Variants in ADAMTS19 observed in about 807,000 individuals in gnomAD.
ADAMTS19 encodes the protein A disintegrin and metalloproteinase with thrombospondin motifs 19.
ADAMTS19 carries 93 observed loss-of-function variants against 153.3 expected under a neutral mutation model. The ratio of observed to expected loss-of-function variants is 0.61; its 90% CI spans 0.51 to 0.72. The LOEUF (loss-of-function observed/expected upper bound fraction) is 0.72. Ranked by LOEUF, ADAMTS19 falls within the 30% of genes least tolerant of loss-of-function variation. The pLI, the probability that ADAMTS19 is intolerant of heterozygous loss-of-function variation, is 0.00. For synonymous variants in ADAMTS19, 600 were observed against 556.6 expected, an observed-to-expected ratio of 1.08 and a Z score of -1.10; for missense variants, 1,482 against 1,552.1, an observed-to-expected ratio of 0.95 and a Z score of 0.76.
chr5:129,677,171 A>C (rs1754587163), intron 16 of ADAMTS19, among the ~76,000 whole-genome samples: 1 of 152,218 alleles, frequency 6.6e-6, no homozygotes, highest in African/African-American at 2.4e-5. Flanking sequence ...ATAAAATAAT[A>C]GATCTTTAAG....
chr5:129,708,644 G>C (rs1756288379), intron 21 of ADAMTS19, among the ~76,000 whole-genome samples: 1 of 148,408 alleles, frequency 6.7e-6, no homozygotes, highest in Non-Finnish European at 1.5e-5. Context: ...TGTTTTACAG[G>C]ATCTGATTAT....
At chr5:129,715,988 A>C (rs1480830516) in intron 21 of ADAMTS19, among the ~76,000 whole-genome samples, 1 of 152,112 alleles carries the variant, frequency 6.6e-6, no homozygotes, top group African/African-American at 2.4e-5. Flanking sequence ...GCTGCGGCAG[A>C]TGGAACTGAG....
Position 129,461,486 on chromosome 5 carries a change from C to T in ADAMTS19, c.476C>T (p.Pro159Leu), listed in dbSNP as rs1247839602. 1 of 1,491,376 alleles carries T rather than the reference C, an allele frequency of 6.7e-7. No individual in the cohort carries two copies. The highest frequency in any genetic ancestry group is 2.3e-5 in the Admixed American group (1 of 44,000). 92.4% of individuals were successfully genotyped at this position (1,491,376 alleles called of 1,614,324 possible). A position where few individuals can be genotyped will look rare whatever the true frequency, so the allele number is the denominator to read the frequency against. Residue 159 changes from proline to leucine, a missense_variant, in exon 2 of 23, where the codon CCC becomes CTC. Around this residue, in one of 2 missense-constraint regions of ADAMTS19, gnomAD observed 866 missense variants for 827.7 expected, o/e 1.05. Transcript: ENST00000274487. This position sits in a 1 kb window ranked among gnomAD's most constrained non-coding sequence, Gnocchi z 4.6. Reference sequence around the variant, plus strand: ...CCCCCGCAGCCGCCCCCGTCCCCGCCCCCGGCCCAGCATGCCGAGCCGGAT... The same window carrying T: ...CCCCCGCAGCCGCCCCCGTCCCCGCTCCCGGCCCAGCATGCCGAGCCGGAT... ...PPPPQPPPSP[P>L]PAQHAEPDGD...
chr5:129,490,999 C>T (rs1175345843), intron 2 of ADAMTS19, among the ~76,000 whole-genome samples: 3 of 151,784 alleles, frequency 2.0e-5, no homozygotes, highest in East Asian at 3.9e-4. Context: ...TGGAATTGCC[C>T]CTCAGTGTTT....
Position 129,506,907 on chromosome 5 carries a change from T to A in ADAMTS19, c.748-2170T>A, listed in dbSNP as rs546168394. On this transcript the variant is annotated intron_variant, in intron 2 of 22. Transcript: ENST00000274487. The stretch of plus-strand genomic sequence containing the variant: ...GTGTATTTTTAAAATATATATATAT[T>A]TTTTAAAAAGTTATCCTCCAAATAA... 2.3e-3 allele frequency among the ~76,000 whole-genome samples: 342 copies of A among 151,944 alleles called. 2 individuals carry two copies. Among genetic ancestry groups the A allele is most frequent in the African/African-American group, 7.5e-3 (312 of 41,492 alleles).
At chr5:129,658,343 A>AAGAGAGAGAGAGAGAG (rs1344665969) in intron 14 of ADAMTS19, among the ~76,000 whole-genome samples, 1 of 112,214 alleles carries the variant, frequency 8.9e-6, no homozygotes, top group African/African-American at 4.1e-5. Flanking sequence ...GAAAGAAAGA[A>AAGAGAGAGAGAGAGAG]AGAAAGAAAG....
In ADAMTS19 at chr5:129,547,865, A is replaced by C. The variant is rs183499167; in HGVS notation, c.1329-3999A>C. On this transcript the variant is annotated intron_variant, in intron 6 of 22. Transcript: ENST00000274487. ...GAACAGAACAGAGCCCTCAGAAATA[A>C]TGCCACATATCTACAACTATCTGAT... Among the ~76,000 whole-genome samples the C allele has an allele frequency of 4.8e-3, 721 of 150,940 alleles. 51 individuals are homozygous for C. The highest frequency in any genetic ancestry group is 0.017 in the African/African-American group (690 of 40,288).
intron 8 of ADAMTS19, among the ~76,000 whole-genome samples, chr5:129,616,687 T>C (rs976614458): frequency 1.4e-4 from 22 of 152,060 alleles, no homozygotes; most frequent in Non-Finnish European, 4.4e-5. Context: ...CCAAGGCTCT[T>C]TGTCAAAATG....
At chr5:129,591,871 A>C (rs1454251271) in intron 7 of ADAMTS19, among the ~76,000 whole-genome samples, 1 of 151,966 alleles carries the variant, frequency 6.6e-6, no homozygotes, top group Non-Finnish European at 1.5e-5. Flanking sequence ...ATCACATAAA[A>C]ACTCTGATTT....
At chr5:129,669,905 T>A (rs1428915556) in intron 16 of ADAMTS19, among the ~76,000 whole-genome samples, 1 of 152,108 alleles carries the variant, frequency 6.6e-6, no homozygotes, top group Non-Finnish European at 1.5e-5. Context: ...ATTTCTAACC[T>A]CATCCCTTTG....
intron 2 of ADAMTS19, among the ~76,000 whole-genome samples, chr5:129,474,437 G>T (rs1750161314): frequency 6.6e-6 from 1 of 151,948 alleles, no homozygotes; most frequent in Non-Finnish European, 1.5e-5. Flanking sequence ...CAATTACTAG[G>T]TCATACAGTA....
chr5:129,603,867 T>C (rs191374801), intron 8 of ADAMTS19, among the ~76,000 whole-genome samples: 5 of 152,314 alleles, frequency 3.3e-5, no homozygotes, highest in Non-Finnish European at 2.9e-5. Flanking sequence ...CCAAAGCCCA[T>C]GTTATTAATT....
chr5:129,731,847 T>C (rs1476763665), intron 21 of ADAMTS19, among the ~76,000 whole-genome samples: 1 of 152,134 alleles, frequency 6.6e-6, no homozygotes, highest in Non-Finnish European at 1.5e-5. Context: ...AGATAATTCA[T>C]TTAAATAATT....
intron 18 of ADAMTS19, among the ~76,000 whole-genome samples, chr5:129,688,654 AT>A (rs1233978896): frequency 7.2e-5 from 11 of 152,264 alleles, no homozygotes; most frequent in Middle Eastern, 3.4e-3. Context: ...TCTCAGGTAA[AT>A]TTTTTCAACA....
At chr5:129,634,333 A>G (rs1474645998) in intron 10 of ADAMTS19, among the ~76,000 whole-genome samples, 1 of 152,250 alleles carries the variant, frequency 6.6e-6, no homozygotes, top group Non-Finnish European at 1.5e-5. Context: ...AGGAAGAATC[A>G]GTATTGTTAA....
At chr5:129,637,799 G>T (rs30691) in intron 10 of ADAMTS19, among the ~76,000 whole-genome samples, 24,869 of 152,138 alleles carry the variant, frequency 0.16, 2,290 homozygotes, top group East Asian at 0.31. Context: ...GAGCCAAGAT[G>T]ATTGTGCTAC....
At chr5:129,607,576 G>T (rs1375493900) in intron 8 of ADAMTS19, among the ~76,000 whole-genome samples, 1 of 152,114 alleles carries the variant, frequency 6.6e-6, no homozygotes, top group African/African-American at 2.4e-5. Flanking sequence ...GATTTTATGA[G>T]AAAATATGGT....
chr5:129,707,900 C>A (rs1217899029), intron 21 of ADAMTS19, among the ~76,000 whole-genome samples: 2 of 152,168 alleles, frequency 1.3e-5, no homozygotes, highest in Non-Finnish European at 2.9e-5. Flanking sequence ...ATAGATGAGT[C>A]CCTGGGAGAA....
intron 6 of ADAMTS19, among the ~76,000 whole-genome samples, chr5:129,533,218 C>T: frequency 6.6e-6 from 1 of 152,116 alleles, no homozygotes; most frequent in East Asian, 1.9e-4. Flanking sequence ...CAAATGTTCC[C>T]ACCTTTAGGT....
Sources: gnomAD v4.1 joint callset for allele counts (sites outside exome capture counted in the v4.1 genomes callset) on GRCh38, gnomAD v4.1.1 for gene constraint, gnomAD v4.1.1 regional missense constraint, Gnocchi (gnomAD v3.1) non-coding constraint, MANE v1.5 for transcripts, NCBI Gene and HGNC (gene_info 2026-07-23, HGNC 2026-07-21) for gene names.